Variants in CAMTA1 observed in about 807,000 individuals in gnomAD.
CAMTA1 encodes the protein calmodulin binding transcription activator 1, also known as calmodulin-binding transcription activator 1.
Under a neutral mutation model 170.9 loss-of-function variants are expected in CAMTA1, and 27 were observed. That is an observed-to-expected ratio of 0.16 (90% confidence interval 0.12 to 0.22). The LOEUF (loss-of-function observed/expected upper bound fraction) is 0.22, where lower values mean the gene tolerates loss of function less well. Among genes scored for constraint, CAMTA1 ranks in the 10% least tolerant of loss-of-function variants. CAMTA1 has a pLI of 1.00. For synonymous variants in CAMTA1, 833 were observed against 891.5 expected (o/e 0.93, Z 1.17); for missense variants, 1,619 against 2,217.2 (o/e 0.73, Z 5.42).
intron 6 of CAMTA1, among the ~76,000 whole-genome samples, chr1:7,586,814 A>C (rs142751928): frequency 9.2e-5 from 14 of 152,176 alleles, no homozygotes; most frequent in Non-Finnish European, 1.8e-4. Flanking sequence ...TGCAGGGGTC[A>C]TGTGGCTCCC....
intron 5 of CAMTA1, among the ~76,000 whole-genome samples, chr1:7,439,346 G>A (rs1471459718): frequency 6.6e-6 from 1 of 152,126 alleles, no homozygotes; most frequent in Admixed American, 6.5e-5. Context: ...GTCTGGAATC[G>A]AGCCCCTCCC....
At chr1:7,564,475 C>T (rs1020794285) in intron 6 of CAMTA1, among the ~76,000 whole-genome samples, 10 of 152,212 alleles carry the variant, frequency 6.6e-5, no homozygotes, top group East Asian at 5.8e-4. Flanking sequence ...GCTCCCATGC[C>T]GTGGGAAAAC....
intron 3 of CAMTA1, among the ~76,000 whole-genome samples, chr1:6,840,008 G>A (rs922683647): frequency 6.6e-6 from 1 of 152,182 alleles, no homozygotes; most frequent in Admixed American, 6.5e-5. Flanking sequence ...CAAGACCAGC[G>A]TGACCAACAT....
chr1:7,049,388 C>T (rs1051553147), intron 3 of CAMTA1, among the ~76,000 whole-genome samples: 2 of 152,152 alleles, frequency 1.3e-5, no homozygotes, highest in East Asian at 1.9e-4. Flanking sequence ...AAAGTGTGAT[C>T]GATCCTGCTA....
rs1168284952 is a variant in CAMTA1, at chr1:7,216,400, C to CT, written c.303-33089dup. 6.6e-6 allele frequency among the ~76,000 whole-genome samples: 1 copy of CT among 152,204 alleles called. No homozygotes were observed. The highest frequency in any genetic ancestry group is 2.4e-5 in the African/African-American group (1 of 41,460). ...ATTGTTTAGGGCTTCTGTGTCCTTA[C>CT]TTATTTTTTGTCTATCTGGTTTCTC... On this transcript the variant is annotated intron_variant, in intron 4 of 22. Transcript: ENST00000303635. This position sits in a 1 kb window ranked among gnomAD's most constrained non-coding sequence, Gnocchi z 4.0.
chr1:7,294,705 C>T (rs958090102), intron 5 of CAMTA1, among the ~76,000 whole-genome samples: 4 of 152,198 alleles, frequency 2.6e-5, no homozygotes, highest in African/African-American at 9.7e-5. Context: ...TATCCTTGTG[C>T]CTTATGAACT....
At chr1:7,005,816 C>T (rs964979872) in intron 3 of CAMTA1, among the ~76,000 whole-genome samples, 5 of 152,234 alleles carry the variant, frequency 3.3e-5, no homozygotes, top group Non-Finnish European at 5.9e-5. Context: ...ACTTTGAGTC[C>T]TGTGTACTTG....
rs1319022468 is a variant in CAMTA1, at chr1:7,767,706, GAAAA to G, written c.*1218_*1221del. 1 of 152,418 alleles carries G rather than the reference GAAAA, an allele frequency of 6.6e-6. No homozygotes were observed. Among genetic ancestry groups the G allele is most frequent in the Admixed American group, 6.6e-5 (1 of 15,266 alleles). 9.4% of individuals were successfully genotyped at this position (152,418 alleles called of 1,614,324 possible). On this transcript the variant is annotated 3_prime_UTR_variant, in exon 23 of 23. Coordinates refer to ENST00000303635, the MANE Select transcript of CAMTA1 (RefSeq NM_015215.4). The stretch of plus-strand genomic sequence containing the variant: ...AACAGAGATATGTGCATGAAATCAA[GAAAA>G]AAGAAATGAACAAAAGCAAAGCATT...
At chr1:7,412,394 A>C (rs1417098750) in intron 5 of CAMTA1, among the ~76,000 whole-genome samples, 2 of 151,312 alleles carry the variant, frequency 1.3e-5, no homozygotes, top group Non-Finnish European at 3.0e-5. Flanking sequence ...AAGTGTTCCT[A>C]TTTCTCCACA....
rs1196277137 is a variant in CAMTA1 at position 7,570,005 on chromosome 1, CAT to C, written c.511-70394_511-70393del. On this transcript the variant is annotated intron_variant, in intron 6 of 22. Transcript: ENST00000303635. The surrounding 1 kb of genome is among the most constrained non-coding windows in gnomAD (Gnocchi z 4.3). ...CTCTTAGTGGAAAAGGTTCTAAAAT[CAT>C]GTGTCCATTTCCCTGCCTTATTAAA... is the stretch of plus-strand genomic sequence containing the variant. 1.3e-5 allele frequency among the ~76,000 whole-genome samples: 2 copies of C among 152,224 alleles called. No individual in the cohort carries two copies. The highest frequency in any genetic ancestry group is 1.3e-4 in the Admixed American group (2 of 15,290).
At chr1:6,831,445 G>A (rs911853511) in intron 3 of CAMTA1, among the ~76,000 whole-genome samples, 4 of 152,098 alleles carry the variant, frequency 2.6e-5, no homozygotes, top group Admixed American at 2.0e-4. Flanking sequence ...TCATAATTAC[G>A]TATATTAGTA....
chr1:6,996,296 G>A (rs1048238278), intron 3 of CAMTA1, among the ~76,000 whole-genome samples: 1 of 152,186 alleles, frequency 6.6e-6, no homozygotes, highest in African/African-American at 2.4e-5. Context: ...ACGTTGCAGA[G>A]ACTTGGGATT....
At chr1:7,639,551 T>C (rs915475588) in intron 6 of CAMTA1, among the ~76,000 whole-genome samples, 1 of 152,110 alleles carries the variant, frequency 6.6e-6, no homozygotes, top group East Asian at 1.9e-4. Flanking sequence ...GGTGGGCGGA[T>C]TGCTTGAACC....
intron 3 of CAMTA1, among the ~76,000 whole-genome samples, chr1:6,994,675 CT>C (rs148091916): frequency 0.16 from 24,138 of 149,660 alleles, 1,921 homozygotes; most frequent in Non-Finnish European, 0.18. Flanking sequence ...GTTTGAACTT[CT>C]TTTTTTTTTG....
chr1:7,683,902 G>A (rs1162118445), intron 11 of CAMTA1, among the ~76,000 whole-genome samples: 1 of 152,246 alleles, frequency 6.6e-6, no homozygotes, highest in African/African-American at 2.4e-5. Context: ...AGTTTGGGGA[G>A]CATCTTAGCC....
intron 6 of CAMTA1, among the ~76,000 whole-genome samples, chr1:7,483,988 C>A (rs1211468653): frequency 6.6e-6 from 1 of 152,202 alleles, no homozygotes; most frequent in African/African-American, 2.4e-5. Context: ...ACTGGGGGAG[C>A]CCCACCTTGG....
intron 1 of CAMTA1, among the ~76,000 whole-genome samples, chr1:6,818,205 C>T (rs990787116): frequency 2.0e-5 from 3 of 152,000 alleles, no homozygotes; most frequent in African/African-American, 4.8e-5. Context: ...GGCATGGTGG[C>T]GGACACCTGT....
Position 7,092,766 on chromosome 1 carries a change from T to C in CAMTA1, c.302+1395T>C, listed in dbSNP as rs1641640132. On this transcript the variant is annotated intron_variant, in intron 4 of 22. Transcript: ENST00000303635. This position sits in a 1 kb window ranked among gnomAD's most constrained non-coding sequence, Gnocchi z 5.0. Reference sequence around the variant, plus strand: ...TCTGTGGGCTGCCTGTGGCTTTGGGTTGAGGTCAGGTCTGCTGTGTGCATC... The same window carrying C: ...TCTGTGGGCTGCCTGTGGCTTTGGGCTGAGGTCAGGTCTGCTGTGTGCATC... 6.6e-6 allele frequency among the ~76,000 whole-genome samples: 1 copy of C among 152,238 alleles called. No individual in the cohort carries two copies. Among genetic ancestry groups the C allele is most frequent in the South Asian group, 2.1e-4 (1 of 4,828 alleles).
At chr1:7,349,526 G>A (rs552650515) in intron 5 of CAMTA1, among the ~76,000 whole-genome samples, 177 of 152,344 alleles carry the variant, frequency 1.2e-3, no homozygotes, top group African/African-American at 4.0e-3. Context: ...CACACGGGGC[G>A]ACGTACGCAG....
Sources: gnomAD v4.1 joint callset for allele counts (sites outside exome capture counted in the v4.1 genomes callset) on GRCh38, gnomAD v4.1.1 for gene constraint, Gnocchi (gnomAD v3.1) non-coding constraint, MANE v1.5 for transcripts, NCBI Gene and HGNC (gene_info 2026-07-23, HGNC 2026-07-21) for gene names.